The following RALGPS2 variants were observed in gnomAD, a reference collection of about 807,000 sequenced individuals.
RALGPS2 encodes the protein ras-specific guanine nucleotide-releasing factor RalGPS2.
RALGPS2 carries 43 observed loss-of-function variants against 86.8 expected under a neutral mutation model. That is an observed-to-expected ratio of 0.50 (90% CI 0.39 to 0.64). The LOEUF is 0.64. Ranked by LOEUF, RALGPS2 falls within the 30% of genes least tolerant of loss-of-function variation. The probability of loss-of-function intolerance (pLI) is 0.00; values close to 1 mark genes in which losing one functional copy is unlikely to be tolerated. For synonymous variants in RALGPS2, 243 were observed against 231.3 expected (o/e 1.05, Z -0.46); for missense variants, 536 against 694.6 (o/e 0.77, Z 2.57).
chr1:178,800,588 T>C lies in RALGPS2; in HGVS notation c.214-7457T>C, dbSNP rs6675656. 6.9e-3 allele frequency among the ~76,000 whole-genome samples: 1,053 copies of C among 152,348 alleles called. 5 individuals carry two copies. The highest frequency in any genetic ancestry group is 0.01 in the Middle Eastern group (3 of 294). ...TTTACTGTAAGAATATAGTGTATTATACATATCACATACAAAATACATGTT... is the reference window on the plus strand; with the variant it reads ...TTTACTGTAAGAATATAGTGTATTACACATATCACATACAAAATACATGTT... On this transcript the variant is annotated intron_variant, in intron 4 of 19. Coordinates refer to ENST00000367635, the MANE Select transcript of RALGPS2 (RefSeq NM_152663.5).
rs1655879499 is a variant in RALGPS2 at position 178,828,826 on chromosome 1, GAATGTA to G, written c.481-4594_481-4589del. On this transcript the variant is annotated intron_variant, in intron 7 of 19. Coordinates refer to ENST00000367635, the MANE Select transcript of RALGPS2 (RefSeq NM_152663.5). Reference sequence around the variant, plus strand: ...GGGAACTGTTGTACAGTGTTGGTGGGAATGTAAATTGGTACAGTCATGGAAAACAGT... The same window carrying G: ...GGGAACTGTTGTACAGTGTTGGTGGGAATTGGTACAGTCATGGAAAACAGT... Among the ~76,000 whole-genome samples, 3 of 152,176 alleles carry G rather than the reference GAATGTA, an allele frequency of 2.0e-5. No homozygotes were observed. The South Asian group carries it at 6.2e-4, about 32-fold the overall frequency.
At chr1:178,877,757 G>T in intron 9 of RALGPS2, 122 bp downstream of exon 9, 1 of 1,239,978 alleles carries the variant, frequency 8.1e-7, no homozygotes, top group Non-Finnish European at 1.1e-6. Flanking sequence ...CCATTCTAAT[G>T]TAAAGGAAAA....
At chr1:178,783,248 G>C (rs60594000) in intron 2 of RALGPS2, among the ~76,000 whole-genome samples, 4,984 of 152,178 alleles carry the variant, frequency 0.033, 143 homozygotes, top group East Asian at 0.09. Flanking sequence ...CAGTAGACTG[G>C]TGACCAATAG....
chr1:178,890,160 A>G (rs1460225430), intron 14 of RALGPS2, among the ~76,000 whole-genome samples: 3 of 151,914 alleles, frequency 2.0e-5, no homozygotes, highest in African/African-American at 7.2e-5. Flanking sequence ...CATAAACTCA[A>G]AATTTTCAGA....
chr1:178,916,368 GAAAA>G lies in RALGPS2; in HGVS notation c.*13_*16del, dbSNP rs745560036. Reference sequence around the variant, plus strand: ...TGATGACTTTTGAGTAGAAGCCTGAGAAAAAAAGAGAGGTGAACTGTTGCTTCTA... The same window carrying G: ...TGATGACTTTTGAGTAGAAGCCTGAGAAAGAGAGGTGAACTGTTGCTTCTA... On this transcript the variant is annotated 3_prime_UTR_variant, in exon 20 of 20. Transcript: ENST00000367635. 3 of 1,596,722 alleles carry G rather than the reference GAAAA, an allele frequency of 1.9e-6. No homozygotes were observed. The East Asian group carries it at 6.7e-5, about 36-fold the overall frequency.
intron 19 of RALGPS2, among the ~76,000 whole-genome samples, chr1:178,913,877 C>A (rs1273991363): frequency 6.6e-6 from 1 of 152,138 alleles, no homozygotes; most frequent in Non-Finnish European, 1.5e-5. Flanking sequence ...TGCTCCCAGG[C>A]TGCTGGCAAA....
At chr1:178,834,881 G>C (rs1311696094) in intron 8 of RALGPS2, among the ~76,000 whole-genome samples, 1 of 152,112 alleles carries the variant, frequency 6.6e-6, no homozygotes, top group Non-Finnish European at 1.5e-5. Context: ...AAGTTCAAGT[G>C]ATTCTCCTGC....
intron 8 of RALGPS2, among the ~76,000 whole-genome samples, chr1:178,838,176 A>G (rs7533510): frequency 0.1 from 15,697 of 152,166 alleles, 1,861 homozygotes; most frequent in African/African-American, 0.29. Flanking sequence ...GAAGAGAGTA[A>G]TGGTTCTCGC....
intron 8 of RALGPS2, among the ~76,000 whole-genome samples, chr1:178,873,045 G>A (rs537333522): frequency 1.3e-5 from 2 of 152,202 alleles, no homozygotes; most frequent in Admixed American, 6.5e-5. Context: ...GGGGGCTTAG[G>A]GGGAAGATAC....
chr1:178,735,182 A>C (rs1055625992), intron 1 of RALGPS2, among the ~76,000 whole-genome samples: 6 of 152,202 alleles, frequency 3.9e-5, no homozygotes, highest in African/African-American at 1.4e-4. Flanking sequence ...AACTATAGCT[A>C]TACTCAGCAA....
intron 8 of RALGPS2, among the ~76,000 whole-genome samples, chr1:178,871,756 T>C (rs1658771682): frequency 6.6e-6 from 1 of 152,310 alleles, no homozygotes; most frequent in South Asian, 2.1e-4. Flanking sequence ...GTCATTCTTG[T>C]TATTAATTGA....
chr1:178,747,705 C>T (rs1320853329), intron 1 of RALGPS2: 8 of 1,389,900 alleles, frequency 5.8e-6, no homozygotes, highest in South Asian at 1.2e-5. Context: ...CAGCTGCCAG[C>T]GATGCTGAGC....
intron 14 of RALGPS2, among the ~76,000 whole-genome samples, chr1:178,890,639 A>G (rs1659679233): frequency 6.6e-6 from 1 of 151,912 alleles, no homozygotes; most frequent in East Asian, 1.9e-4. Context: ...GTTTAATTGG[A>G]AAAATAGATC....
chr1:178,851,231 G>A, intron 8 of RALGPS2: 2 of 1,613,924 alleles, frequency 1.2e-6, no homozygotes, highest in South Asian at 1.1e-5. Flanking sequence ...TTCTGTAATG[G>A]CCTCCTCTGT....
intron 16 of RALGPS2, chr1:178,894,461 T>C (rs73039876): frequency 0.062 from 9,560 of 154,430 alleles, 1,029 homozygotes; most frequent in African/African-American, 0.22. Flanking sequence ...CTTTCCTTAA[T>C]CCAAGAAGTT....
chr1:178,830,730 GA>G (rs1194989518), intron 7 of RALGPS2, among the ~76,000 whole-genome samples: 3 of 151,928 alleles, frequency 2.0e-5, no homozygotes, highest in African/African-American at 7.3e-5. Context: ...CTCCAACAAT[GA>G]AAAAAATAAT....
At chr1:178,888,378 G>T (rs1461818325) in intron 13 of RALGPS2, among the ~76,000 whole-genome samples, 4 of 152,076 alleles carry the variant, frequency 2.6e-5, no homozygotes, top group Non-Finnish European at 5.9e-5. Flanking sequence ...TTAATCTACA[G>T]TGAAGGCTTT....
chr1:178,912,125 C>A (rs540220297), intron 19 of RALGPS2, among the ~76,000 whole-genome samples: 5 of 152,302 alleles, frequency 3.3e-5, no homozygotes, highest in African/African-American at 1.2e-4. Context: ...TTGAAGATAG[C>A]AGACAGTTGG....
intron 17 of RALGPS2, among the ~76,000 whole-genome samples, chr1:178,898,217 A>G (rs1201252056): frequency 3.3e-5 from 5 of 152,004 alleles, no homozygotes; most frequent in Admixed American, 6.6e-5. Flanking sequence ...GAATTTTCCT[A>G]TAAATCTTTT....
Sources: allele counts gnomAD v4.1 joint callset (sites outside exome capture counted in the v4.1 genomes callset), GRCh38; gene constraint gnomAD v4.1.1; transcripts MANE v1.5; gene names NCBI Gene and HGNC (gene_info 2026-07-23, HGNC 2026-07-21).